Variants in KIF14 observed in about 807,000 individuals in gnomAD.
The protein encoded by KIF14 is kinesin family member 14, also known as kinesin-like protein KIF14.
KIF14 carries 98 observed loss-of-function variants against 176.2 expected under a neutral mutation model. The ratio of observed to expected loss-of-function variants is 0.56; its 90% CI spans 0.47 to 0.66. KIF14 has a LOEUF of 0.66. Ranked by LOEUF, KIF14 falls within the 30% of genes least tolerant of loss-of-function variation. KIF14 has a pLI of 0.00. For missense variants in KIF14, 1,751 were observed against 1,920.4 expected (o/e 0.91, Z 1.65); for synonymous variants, 566 against 632.2 (o/e 0.90, Z 1.57).
At position 200,592,144 on chromosome 1, in the gene KIF14, T is replaced by C. The variant is rs374982968; in HGVS notation, c.2749A>G (p.Ile917Val). 9 of 1,613,744 alleles carry C rather than the reference T, an allele frequency of 5.6e-6. No homozygotes were observed. Among genetic ancestry groups the C allele is most frequent in the African/African-American group, 1.3e-5 (1 of 74,912 alleles). The change falls in exon 16 of 30, where the codon ATA becomes GTA. Residue 917 changes from isoleucine to valine, a missense_variant. Transcript: ENST00000367350. Reference sequence around the variant, plus strand: ...TCAAAGTCTTTTGGACCCTCACTTATAGGAGTATCTCTTCCAGATGGCCTT... The same window carrying C: ...TCAAAGTCTTTTGGACCCTCACTTACAGGAGTATCTCTTCCAGATGGCCTT... ...GKRPSGRDTP[I>V]SEGPKDFEFA...
At chr1:200,580,889 T>A (rs1046465196) in intron 20 of KIF14, among the ~76,000 whole-genome samples, 3 of 151,794 alleles carry the variant, frequency 2.0e-5, no homozygotes, top group African/African-American at 7.3e-5. Flanking sequence ...GTCAGGCGGA[T>A]CACTAGGTCA....
chr1:200,605,312 C>T lies in KIF14; in HGVS notation c.1717G>A (p.Val573Ile). 6.2e-7 allele frequency: 1 copy of T among 1,613,344 alleles called. No individual in the cohort carries two copies. The highest frequency in any genetic ancestry group is 8.5e-7 in the Non-Finnish European group (1 of 1,179,526). Reference sequence around the variant, plus strand: ...GTCTGGGTCATCACCAGGGTGAAAACTGAATGAGATCGGGAACTTTTATCA... The same window carrying T: ...GTCTGGGTCATCACCAGGGTGAAAATTGAATGAGATCGGGAACTTTTATCA... ...MNDKSSRSHS[V>I]FTLVMTQTKT... is the part of the protein sequence containing the mutation. Residue 573 changes from valine to isoleucine, a missense_variant, in exon 8 of 30, where the codon GTT becomes ATT. Physicochemically the swap from Val to Ile is conservative, Grantham distance 29. Transcript: ENST00000367350.
At chr1:200,563,736 T>C (rs184870202) in intron 25 of KIF14, among the ~76,000 whole-genome samples, 5 of 152,280 alleles carry the variant, frequency 3.3e-5, no homozygotes, top group Admixed American at 2.6e-4. Context: ...ATCAAGGAAT[T>C]TTTAAGAAGG....
At chr1:200,569,135 G>A (rs1255470554) in intron 23 of KIF14, among the ~76,000 whole-genome samples, 2 of 151,838 alleles carry the variant, frequency 1.3e-5, no homozygotes, top group East Asian at 3.9e-4. Flanking sequence ...ATGTTGTTCA[G>A]GCTGGTCTTG....
At chr1:200,587,765 C>A (rs112191790) in intron 18 of KIF14, among the ~76,000 whole-genome samples, 1 of 152,218 alleles carries the variant, frequency 6.6e-6, no homozygotes, top group East Asian at 1.9e-4. Flanking sequence ...GCCCAGATCA[C>A]GCCACTGCAC....
At chr1:200,571,161 A>G (rs1427638589) in intron 22 of KIF14, among the ~76,000 whole-genome samples, 4 of 151,974 alleles carry the variant, frequency 2.6e-5, no homozygotes, top group Non-Finnish European at 5.9e-5. Context: ...AAAATGCCCC[A>G]ATTTCTAGCC....
chr1:200,618,688 G>A lies in KIF14; in HGVS notation c.36C>T (p.Ser12=), dbSNP rs149402620. 2.8e-5 allele frequency: 45 copies of A among 1,610,926 alleles called. No homozygotes were observed. The highest frequency in any genetic ancestry group is 8.3e-5 in the Admixed American group (5 of 59,988). The change falls in exon 2 of 30, where the codon AGC becomes AGT. Residue 12 remains serine, a synonymous_variant. Transcript: ENST00000367350. ...SLHSTHNRNN[S]GDILDIPSSQ... ...AAGAAGGAATATCAAGAATATCACCGCTGTTATTTCTATTATGAGTACTGT... is the reference window on the plus strand; with the variant it reads ...AAGAAGGAATATCAAGAATATCACCACTGTTATTTCTATTATGAGTACTGT...
chr1:200,588,720 G>A (rs1220413527), intron 18 of KIF14, among the ~76,000 whole-genome samples: 1 of 152,214 alleles, frequency 6.6e-6, no homozygotes, highest in Non-Finnish European at 1.5e-5. Context: ...GGTGGCCCAT[G>A]AAAGATGCCT....
At position 200,567,793 on chromosome 1, in the gene KIF14, T is replaced by C. The variant is rs184985189; in HGVS notation, c.3661+2118A>G. Among the ~76,000 whole-genome samples, 313 of 150,670 alleles carry C rather than the reference T, an allele frequency of 2.1e-3. 1 individual carries two copies. The highest frequency in any genetic ancestry group is 4.1e-3 in the Admixed American group (62 of 15,088). ...ACTAAAAGGAGGTAGAATAAAGGCA[T>C]AGGATGAGGAATATTAAAAAACTAG... On this transcript the variant is annotated intron_variant, in intron 23 of 29. Coordinates refer to ENST00000367350, the MANE Select transcript of KIF14 (RefSeq NM_014875.3).
At chr1:200,589,898 C>A (rs1658965569) in intron 17 of KIF14, among the ~76,000 whole-genome samples, 1 of 151,880 alleles carries the variant, frequency 6.6e-6, no homozygotes, top group Non-Finnish European at 1.5e-5. Flanking sequence ...AGTAATCTGC[C>A]CGCCTTGGCC....
intron 18 of KIF14, among the ~76,000 whole-genome samples, chr1:200,587,479 A>T (rs1460752914): frequency 6.6e-6 from 1 of 152,164 alleles, no homozygotes; most frequent in Non-Finnish European, 1.5e-5. Flanking sequence ...AGATACAAGA[A>T]ATCTAGTTTA....
intron 9 of KIF14, among the ~76,000 whole-genome samples, chr1:200,603,608 A>G (rs1307904654): frequency 2.0e-5 from 3 of 152,108 alleles, no homozygotes; most frequent in Non-Finnish European, 2.9e-5. Flanking sequence ...ATGCCTGTCT[A>G]TAAATACTTT....
rs1357519789 is a variant in KIF14 at position 200,615,623 on chromosome 1, C to A, written c.1113-14G>T. On this transcript the variant is annotated splice_polypyrimidine_tract_variant and intron_variant, in intron 2 of 29. Transcript: ENST00000367350. ...TCAATCTTCTCTCTTGAAAGAAGCACAAAGAAAAAAATCAAGTAACTAAAA... is the reference window on the plus strand; with the variant it reads ...TCAATCTTCTCTCTTGAAAGAAGCAAAAAGAAAAAAATCAAGTAACTAAAA... 13 of 1,585,870 alleles carry A rather than the reference C, an allele frequency of 8.2e-6. No homozygotes were observed. In the Admixed American group the frequency reaches 1.3e-4, roughly 16 times the overall value.
At position 200,590,185 on chromosome 1, in the gene KIF14, T is replaced by C; in HGVS notation, c.2901A>G (p.Gln967=). 6.2e-7 allele frequency: 1 copy of C among 1,613,878 alleles called. No individual in the cohort carries two copies. The highest frequency in any genetic ancestry group is 8.5e-7 in the Non-Finnish European group (1 of 1,179,978). ...ATGCAGCTTTTTGAGAAGAAAGCTC[T>C]TGCTGAGCCATTTCTTTTGCAATCT... The part of the protein sequence containing the change: ...GIQIAKEMAQ[Q]ELSSQKAAYE... Residue 967 remains glutamine (Q), a synonymous_variant, in exon 17 of 30, where the codon CAA becomes CAG. Transcript: ENST00000367350.
At chr1:200,593,792 G>T in intron 14 of KIF14, 23 bp from the exon 15 acceptor site, 1 of 1,383,820 alleles carries the variant, frequency 7.2e-7, no homozygotes, top group Non-Finnish European at 1.0e-6. Context: ...GAAGCACATA[G>T]TTAACAATTA....
At position 200,618,315 on chromosome 1, in the gene KIF14, C is replaced by T; in HGVS notation, c.409G>A (p.Glu137Lys). Residue 137 changes from glutamate to lysine, a missense_variant, in exon 2 of 30, where the codon GAA (glutamate) becomes AAA (lysine). Physicochemically the swap from Glu to Lys is moderately conservative, Grantham distance 56. Coordinates refer to ENST00000367350, the MANE Select transcript of KIF14 (RefSeq NM_014875.3). Reference protein sequence around the residue: ...TDSAEKWKTAEIDSVKMTLNV... With the variant: ...TDSAEKWKTAKIDSVKMTLNV... ...AGTGTCATTTTGACAGAATCTATTT[C>T]AGCTGTTTTCCACTTTTCTGCAGAA... is the stretch of plus-strand genomic sequence containing the variant. 1 of 1,613,908 alleles carries T rather than the reference C, an allele frequency of 6.2e-7. No individual in the cohort carries two copies. Among genetic ancestry groups the T allele is most frequent in the South Asian group, 1.1e-5 (1 of 91,084 alleles).
chr1:200,607,771 G>A (rs115064179), intron 5 of KIF14, among the ~76,000 whole-genome samples: 3,566 of 152,084 alleles, frequency 0.023, 51 homozygotes, highest in Non-Finnish European at 0.035. Context: ...GTGAAATCTC[G>A]GCTCACTGAA....
Position 200,615,373 on chromosome 1 carries a change from C to G in KIF14, c.1349G>C (p.Gly450Ala), listed in dbSNP as rs1195382857. ...NTCLFAYGQTGSGKSYTMMGF... is the reference protein window; with the variant it reads ...NTCLFAYGQTASGKSYTMMGF... ...AACTTACGTATATGATTTTCCAGAG[C>G]CAGTCTGACCATAAGCAAAAAGACA... The change falls in exon 3 of 30, where the codon GGC becomes GCC. Residue 450 changes from glycine to alanine, a missense_variant. By Grantham distance (60) the Gly-to-Ala change is moderately conservative (BLOSUM62 0). Transcript: ENST00000367350. 3 of 1,611,852 alleles carry G rather than the reference C, an allele frequency of 1.9e-6. No individual in the cohort carries two copies. The highest frequency in any genetic ancestry group is 4.5e-5 in the East Asian group (2 of 44,864).
In KIF14 at chr1:200,587,108, T is replaced by A. The variant is rs147222940; in HGVS notation, c.3115-881A>T. ...GATGAAACGGTTCCACCTCAGATCATCAGATATTAGATTCTCATAAGGAGC... is the reference window on the plus strand; with the variant it reads ...GATGAAACGGTTCCACCTCAGATCAACAGATATTAGATTCTCATAAGGAGC... On this transcript the variant is annotated intron_variant, in intron 18 of 29. Transcript: ENST00000367350. Among the ~76,000 whole-genome samples the A allele has an allele frequency of 2.6e-5, 4 of 152,108 alleles. No individual in the cohort carries two copies. In the East Asian group the frequency reaches 7.7e-4, roughly 29 times the overall value.
Sources: gnomAD v4.1 joint callset for allele counts (sites outside exome capture counted in the v4.1 genomes callset) on GRCh38, gnomAD v4.1.1 for gene constraint, MANE v1.5 for transcripts, NCBI Gene and HGNC (gene_info 2026-07-23, HGNC 2026-07-21) for gene names.